M1AP: variants seen among roughly 807,000 people sequenced by gnomAD.
The protein encoded by M1AP is meiosis 1 associated protein, also known as meiosis 1 arrest protein.
In M1AP, 39 loss-of-function variants were observed where a neutral mutation model predicts 51.2. The ratio of observed to expected loss-of-function variants is 0.76; its 90% confidence interval spans 0.59 to 1.00. The LOEUF (loss-of-function observed/expected upper bound fraction) is 1.00, where lower values mean the gene tolerates loss of function less well. Ranked by LOEUF, M1AP falls within the 50% of genes least tolerant of loss-of-function variation. The pLI, the probability that M1AP is intolerant of heterozygous loss-of-function variation, is 0.00. For synonymous variants in M1AP, 251 were observed against 249.2 expected (o/e 1.01, Z -0.07); for missense variants, 545 against 641.2 (o/e 0.85, Z 1.62).
chr2:74,630,307 T>C (rs1194649552), intron 2 of M1AP, among the ~76,000 whole-genome samples: 1 of 152,182 alleles, frequency 6.6e-6, no homozygotes, highest in African/African-American at 2.4e-5. Context: ...ATGCTAAATA[T>C]CTTCAATGCA....
chr2:74,566,993 G>C (rs913915137), intron 7 of M1AP, among the ~76,000 whole-genome samples: 3 of 152,154 alleles, frequency 2.0e-5, no homozygotes, highest in African/African-American at 7.2e-5. Context: ...ACACAGACAT[G>C]ACTTTGTAAT....
At chr2:74,626,548 C>T (rs1682408833) in intron 2 of M1AP, among the ~76,000 whole-genome samples, 1 of 152,060 alleles carries the variant, frequency 6.6e-6, no homozygotes, top group Non-Finnish European at 1.5e-5. Flanking sequence ...CATGAACGAA[C>T]ACGCCCAGCC....
chr2:74,628,345 C>T (rs967795997), intron 2 of M1AP: 4 of 377,382 alleles, frequency 1.1e-5, no homozygotes, highest in Non-Finnish European at 2.1e-5. Context: ...CGATCATCTC[C>T]AGTGTTTCGT....
chr2:74,576,665 A>G (rs374484414), intron 5 of M1AP, 47 bp from the exon 6 acceptor site: 1 of 1,596,336 alleles, frequency 6.3e-7, no homozygotes, highest in Non-Finnish European at 8.6e-7. Flanking sequence ...AATTGGAGGA[A>G]GGATTGTGGG....
intron 4 of M1AP, among the ~76,000 whole-genome samples, chr2:74,589,889 TTCCCTGGGCC>T (rs1679940905): frequency 6.6e-6 from 1 of 152,250 alleles, no homozygotes; most frequent in Non-Finnish European, 1.5e-5. Flanking sequence ...ATCTTTTGGC[TTCCCTGGGCC>T]ACATTGGAAG....
chr2:74,562,057 C>A, intron 8 of M1AP, 160 bp downstream of exon 8: 1 of 985,460 alleles, frequency 1.0e-6, no homozygotes, highest in Non-Finnish European at 1.2e-6. Flanking sequence ...TTACTTCCTT[C>A]TTCTGGCATA....
At chr2:74,570,751 G>A (rs1030530457) in intron 7 of M1AP, among the ~76,000 whole-genome samples, 2 of 152,094 alleles carry the variant, frequency 1.3e-5, no homozygotes, top group Admixed American at 1.3e-4. Flanking sequence ...GGGAATAATG[G>A]GAGATAAGGT....
intron 5 of M1AP, among the ~76,000 whole-genome samples, chr2:74,577,291 C>A: frequency 6.6e-6 from 1 of 152,168 alleles, no homozygotes; most frequent in East Asian, 1.9e-4. Flanking sequence ...AATGCTTAGG[C>A]TAGGTAGGAG....
At chr2:74,640,676 T>A (rs555031576) in intron 1 of M1AP, among the ~76,000 whole-genome samples, 1 of 152,178 alleles carries the variant, frequency 6.6e-6, no homozygotes, top group Non-Finnish European at 1.5e-5. Flanking sequence ...CAGGATGGTC[T>A]TGATCTCTTG....
In M1AP at chr2:74,598,121, C is replaced by T. The variant is rs141450479; in HGVS notation, c.595+8934G>A. On this transcript the variant is annotated intron_variant, in intron 4 of 10. Coordinates refer to ENST00000421985, the MANE Select transcript of M1AP (RefSeq NM_001321739.2). ...TTGTAGCTGGATGCGCTGGCTCACA[C>T]CTGTAATCCCAGCACTTTGGGAGGC... Among the ~76,000 whole-genome samples the T allele has an allele frequency of 6.2e-3, 939 of 152,294 alleles. 12 individuals carry two copies. The highest frequency in any genetic ancestry group is 0.021 in the African/African-American group (892 of 41,538).
chr2:74,581,080 C>T (rs1185717083), intron 5 of M1AP, among the ~76,000 whole-genome samples: 3 of 152,128 alleles, frequency 2.0e-5, no homozygotes, highest in African/African-American at 7.2e-5. Flanking sequence ...AGAACAGTAT[C>T]CATTATCCAG....
intron 3 of M1AP, among the ~76,000 whole-genome samples, chr2:74,612,238 A>G (rs1235588973): frequency 6.6e-6 from 1 of 151,848 alleles, no homozygotes; most frequent in Non-Finnish European, 1.5e-5. Context: ...TGTTTTTAAG[A>G]GACAAGGTCT....
chr2:74,614,854 A>G (rs1573149835), intron 3 of M1AP, 110 bp downstream of exon 3: 2 of 1,007,558 alleles, frequency 2.0e-6, no homozygotes, highest in Admixed American at 2.3e-5. Flanking sequence ...TGCTTTGAAT[A>G]TTACATCTAG....
In M1AP at chr2:74,615,015, T is replaced by C. The variant is rs766190295; in HGVS notation, c.375A>G (p.Gln125=). 1.9e-6 allele frequency: 3 copies of C among 1,614,192 alleles called. No homozygotes were observed. In the South Asian group the frequency reaches 3.3e-5, roughly 18 times the overall value. The change falls in exon 3 of 11, where the codon CAA becomes CAG. Residue 125 remains glutamine (Q), a synonymous_variant. Coordinates refer to ENST00000421985, the MANE Select transcript of M1AP (RefSeq NM_001321739.2). ...CCCTTGTGGTCACATGTCTGCTGTA[T>C]TGTTTGAATTGCTGGAGCCCATCCT... ...AVEDGLQQFK[Q]YSRHVTTRAA...
At chr2:74,599,823 T>C (rs1680570083) in intron 4 of M1AP, among the ~76,000 whole-genome samples, 1 of 150,786 alleles carries the variant, frequency 6.6e-6, no homozygotes, top group South Asian at 2.1e-4. Flanking sequence ...ATCTAAAAAC[T>C]CTGACAGGAT....
intron 1 of M1AP, among the ~76,000 whole-genome samples, chr2:74,646,899 A>G (rs984031253): frequency 4.6e-5 from 7 of 152,210 alleles, no homozygotes; most frequent in Non-Finnish European, 8.8e-5. Flanking sequence ...GTGCAATTGG[A>G]AGACTGTATT....
chr2:74,558,822 A>G lies in M1AP; in HGVS notation c.1487T>C (p.Met496Thr), dbSNP rs761710430. ...RARATVAPLP[M>T]TPVPGRASKM... ...GGAGGCTCTGCCTGGGACAGGAGTC[A>G]TAGGCAGGGGGGCCACAGTAGCTCG... The change falls in exon 11 of 11, where the codon ATG becomes ACG. Residue 496 changes from methionine to threonine, a missense_variant. Met to Thr is a moderately conservative substitution (Grantham distance 81). Coordinates refer to ENST00000421985, the MANE Select transcript of M1AP (RefSeq NM_001321739.2). The G allele has an allele frequency of 1.2e-6, 2 of 1,608,428 alleles. No homozygotes were observed. Among genetic ancestry groups the G allele is most frequent in the East Asian group, 2.3e-5 (1 of 44,338 alleles).
At chr2:74,563,326 G>A (rs1038146959) in intron 7 of M1AP, among the ~76,000 whole-genome samples, 1 of 152,132 alleles carries the variant, frequency 6.6e-6, no homozygotes, top group East Asian at 1.9e-4. Flanking sequence ...AGGGCCGGGA[G>A]CGGTGGCACA....
chr2:74,602,986 A>G (rs548985457), intron 4 of M1AP, among the ~76,000 whole-genome samples: 3 of 152,388 alleles, frequency 2.0e-5, no homozygotes, highest in African/African-American at 7.2e-5. Flanking sequence ...TGACAGTCAC[A>G]GAAGGCAGAA....
Sources: allele counts gnomAD v4.1 joint callset (sites outside exome capture counted in the v4.1 genomes callset), GRCh38; gene constraint gnomAD v4.1.1; transcripts MANE v1.5; gene names NCBI Gene and HGNC (gene_info 2026-07-23, HGNC 2026-07-21).